CCDC3: variants seen among roughly 807,000 people sequenced by gnomAD.
CCDC3 encodes coiled-coil domain-containing protein 3.
Under a neutral mutation model 21.4 loss-of-function variants are expected in CCDC3, and 24 were observed. The ratio of observed to expected loss-of-function variants is 1.12; its 90% CI spans 0.81 to 1.58. The LOEUF (loss-of-function observed/expected upper bound fraction) is 1.58. Ranked by LOEUF, CCDC3 falls within the 40% of genes most tolerant of loss-of-function variation. The pLI, the probability that CCDC3 is intolerant of heterozygous loss-of-function variation, is 0.00. For missense variants in CCDC3, 425 were observed against 360.9 expected, an observed-to-expected ratio of 1.18 and a Z score of -1.44; for synonymous variants, 186 against 166.0, an observed-to-expected ratio of 1.12 and a Z score of -0.93.
At chr10:13,097,855 T>C (rs1207541576) in intron 3 of CCDC3, among the ~76,000 whole-genome samples, 1 of 152,222 alleles carries the variant, frequency 6.6e-6, no homozygotes, top group Non-Finnish European at 1.5e-5. Context: ...AGTTCTCCTA[T>C]CAACTATTCG....
At chr10:12,922,555 A>G (rs1834468629) in intron 2 of CCDC3, among the ~76,000 whole-genome samples, 1 of 152,172 alleles carries the variant, frequency 6.6e-6, no homozygotes, top group Non-Finnish European at 1.5e-5. Context: ...CTGGAAGGCC[A>G]TCTTGGATGT....
chr10:13,014,377 G>T (rs1301972613), intron 5 of CCDC3, among the ~76,000 whole-genome samples: 16 of 149,658 alleles, frequency 1.1e-4, no homozygotes. Context: ...GGGAACCCAG[G>T]AGTCGGAGCT....
intron 2 of CCDC3, among the ~76,000 whole-genome samples, chr10:12,964,087 T>C (rs923735869): frequency 1.3e-5 from 2 of 152,160 alleles, no homozygotes; most frequent in Non-Finnish European, 2.9e-5. Context: ...GAATCACATT[T>C]TCCAGCCGGG....
intron 5 of CCDC3, among the ~76,000 whole-genome samples, chr10:13,045,073 T>C (rs1836506041): frequency 6.6e-6 from 1 of 152,212 alleles, no homozygotes; most frequent in African/African-American, 2.4e-5. Context: ...AGCTCATCTT[T>C]AACAGGCAAA....
chr10:13,050,192 G>C (rs893522493), intron 4 of CCDC3, among the ~76,000 whole-genome samples: 5 of 152,162 alleles, frequency 3.3e-5, no homozygotes, highest in African/African-American at 1.2e-4. Context: ...CGTGGGTGTG[G>C]AATTGGGGGC....
chr10:13,075,884 A>T (rs1194878232), intron 3 of CCDC3, among the ~76,000 whole-genome samples: 7 of 152,110 alleles, frequency 4.6e-5, no homozygotes, highest in Non-Finnish European at 1.0e-4. Flanking sequence ...CTCTGTCTCT[A>T]CTAAAAAAAT....
intron 5 of CCDC3, among the ~76,000 whole-genome samples, chr10:13,035,863 C>T (rs941377595): frequency 6.6e-6 from 1 of 152,122 alleles, no homozygotes; most frequent in Non-Finnish European, 1.5e-5. Flanking sequence ...AGTGGCTGCC[C>T]GGCCAGGCAT....
At chr10:13,099,498 G>T (rs1379273792) in intron 1 of CCDC3, 2 of 145,718 alleles carry the variant, frequency 1.4e-5, no homozygotes, top group South Asian at 2.3e-4. Context: ...GGCGGCTCTC[G>T]CTCCTACCTT....
upstream of CCDC3, among the ~76,000 whole-genome samples, chr10:13,002,962 T>A (rs1313209223): frequency 6.6e-6 from 1 of 152,228 alleles, no homozygotes; most frequent in African/African-American, 2.4e-5. Context: ...ACTAGTCCTA[T>A]GGGGTTATCA....
rs1267358632 is a variant in CCDC3 at position 12,947,152 on chromosome 10, T to TG, written c.550-48474_550-48473insC. 5.5e-4 allele frequency among the ~76,000 whole-genome samples: 84 copies of TG among 151,832 alleles called. 1 individual carries two copies. The highest frequency in any genetic ancestry group is 6.8e-3 in the Middle Eastern group (2 of 292). ...TCTCATCTTTTGCTCACTTTTTTTT[T>TG]TTTTTGTTTTTTGGAGACAGGGTCT... On this transcript the variant is annotated intron_variant, in intron 2 of 2. Coordinates refer to ENST00000378825, the MANE Select transcript of CCDC3 (RefSeq NM_031455.4).
intron 2 of CCDC3, among the ~76,000 whole-genome samples, chr10:12,952,848 A>G (rs1835027200): frequency 6.6e-6 from 1 of 152,100 alleles, no homozygotes; most frequent in Non-Finnish European, 1.5e-5. Context: ...CCAGGTTACC[A>G]CTGTACCATG....
chr10:12,973,321 C>A (rs142934666), intron 2 of CCDC3, among the ~76,000 whole-genome samples: 1 of 152,050 alleles, frequency 6.6e-6, no homozygotes, highest in Non-Finnish European at 1.5e-5. Flanking sequence ...CCGAGGACAG[C>A]GGCCCAGCCC....
At chr10:12,986,370 A>G (rs1472704022) in intron 2 of CCDC3, among the ~76,000 whole-genome samples, 1 of 152,198 alleles carries the variant, frequency 6.6e-6, no homozygotes, top group Non-Finnish European at 1.5e-5. Flanking sequence ...TATACAACAT[A>G]TTAACAGTAG....
intron 5 of CCDC3, among the ~76,000 whole-genome samples, chr10:13,017,601 A>ATC (rs1836084402): frequency 6.6e-6 from 1 of 151,958 alleles, no homozygotes; most frequent in Non-Finnish European, 1.5e-5. Context: ...ATTTCCCAAC[A>ATC]TCTTCTTGTG....
intron 2 of CCDC3, among the ~76,000 whole-genome samples, chr10:12,933,091 G>C (rs1458864389): frequency 6.6e-6 from 1 of 151,838 alleles, no homozygotes; most frequent in Non-Finnish European, 1.5e-5. Flanking sequence ...TTTTCATCTT[G>C]GTTCATGAGA....
chr10:12,938,451 T>C (rs1418358844), intron 2 of CCDC3, among the ~76,000 whole-genome samples: 1 of 152,222 alleles, frequency 6.6e-6, no homozygotes, highest in Non-Finnish European at 1.5e-5. Context: ...GCTGGAACTA[T>C]TTCCCCTTTG....
At chr10:12,959,296 T>C (rs1835143588) in intron 2 of CCDC3, among the ~76,000 whole-genome samples, 1 of 152,034 alleles carries the variant, frequency 6.6e-6, no homozygotes, top group African/African-American at 2.4e-5. Flanking sequence ...GCCTCCCGAC[T>C]AGCTGGGATT....
intron 2 of CCDC3, among the ~76,000 whole-genome samples, chr10:12,943,865 G>C (rs989125111): frequency 1.3e-5 from 2 of 152,118 alleles, no homozygotes; most frequent in Non-Finnish European, 2.9e-5. Flanking sequence ...AAGCTCACTT[G>C]TTATGTGTCC....
chr10:13,008,770 G>A (rs1835952640), intron 5 of CCDC3, among the ~76,000 whole-genome samples: 1 of 152,192 alleles, frequency 6.6e-6, no homozygotes, highest in Non-Finnish European at 1.5e-5. Context: ...CAGTAAGTTA[G>A]CAATAGAAGG....
Sources: gnomAD v4.1 joint callset for allele counts (sites outside exome capture counted in the v4.1 genomes callset) on GRCh38, gnomAD v4.1.1 for gene constraint, MANE v1.5 for transcripts, NCBI Gene and HGNC (gene_info 2026-07-23, HGNC 2026-07-21) for gene names.